The following STRN3 variants were observed in gnomAD, a reference collection of about 807,000 sequenced individuals.
STRN3 encodes the protein striatin 3, also known as striatin-3.
STRN3 carries 29 observed loss-of-function variants against 95.6 expected under a neutral mutation model. The observed-to-expected ratio is 0.30, with a 90% confidence interval of 0.23 to 0.41. The LOEUF (loss-of-function observed/expected upper bound fraction) is 0.41, where lower values mean the gene tolerates loss of function less well. STRN3 is among the 10% of genes least tolerant of loss of function. The pLI is 1.00. For missense variants in STRN3, 890 were observed against 972.1 expected (o/e 0.92, Z 1.12); for synonymous variants, 331 against 357.6 (o/e 0.93, Z 0.84).
At chr14:31,003,359 A>C (rs1566486713) in intron 1 of STRN3, among the ~76,000 whole-genome samples, 1 of 145,668 alleles carries the variant, frequency 6.9e-6, no homozygotes, top group Non-Finnish European at 1.5e-5. Context: ...GAAAAAAAAA[A>C]AACAAACAAC....
intron 1 of STRN3, among the ~76,000 whole-genome samples, chr14:30,993,941 A>G (rs1882084885): frequency 6.6e-6 from 1 of 151,008 alleles, no homozygotes; most frequent in Admixed American, 6.6e-5. Flanking sequence ...AATGGCACAC[A>G]ATCTCGGCTC....
chr14:30,925,058 C>T (rs919248268), intron 8 of STRN3, among the ~76,000 whole-genome samples: 8 of 152,118 alleles, frequency 5.3e-5, no homozygotes, highest in African/African-American at 1.7e-4. Context: ...ATAACTGCAT[C>T]AAGCCTCTTT....
At chr14:30,899,566 A>G (rs546234487) in intron 16 of STRN3, among the ~76,000 whole-genome samples, 1 of 152,010 alleles carries the variant, frequency 6.6e-6, no homozygotes, top group South Asian at 2.1e-4. Flanking sequence ...CCTTCCCCAA[A>G]CTTTGTCTTT....
At chr14:30,991,517 C>G (rs1292392014) in intron 1 of STRN3, among the ~76,000 whole-genome samples, 4 of 152,088 alleles carry the variant, frequency 2.6e-5, no homozygotes, top group African/African-American at 9.7e-5. Flanking sequence ...CACTTGCAGG[C>G]TCAAAAATGT....
intron 1 of STRN3, among the ~76,000 whole-genome samples, chr14:31,015,013 G>C (rs1883174654): frequency 6.6e-6 from 1 of 152,068 alleles, no homozygotes; most frequent in African/African-American, 2.4e-5. Flanking sequence ...TTTTTTTCTA[G>C]AGACAGGATT....
intron 1 of STRN3, among the ~76,000 whole-genome samples, chr14:30,989,401 T>C (rs1881842239): frequency 6.6e-6 from 1 of 152,114 alleles, no homozygotes; most frequent in African/African-American, 2.4e-5. Context: ...TCTCCAAAGG[T>C]AGTAGATTGG....
intron 1 of STRN3, among the ~76,000 whole-genome samples, chr14:30,985,871 A>T (rs1881665672): frequency 1.3e-5 from 2 of 152,112 alleles, no homozygotes; most frequent in African/African-American, 4.8e-5. Flanking sequence ...TCTGTCCAAA[A>T]ACTACCTGTT....
intron 1 of STRN3, among the ~76,000 whole-genome samples, chr14:31,023,983 A>C (rs886999157): frequency 2.6e-5 from 4 of 152,212 alleles, no homozygotes; most frequent in Non-Finnish European, 2.9e-5. Context: ...TACCAATAGA[A>C]TTGAAAGCAA....
chr14:31,000,256 C>CG (rs956289110), intron 1 of STRN3, among the ~76,000 whole-genome samples: 14 of 21,202 alleles, frequency 6.6e-4, no homozygotes, highest in Admixed American at 1.1e-3. Context: ...TTCTGGGGGG[C>CG]GGGGGGGAGT....
chr14:30,930,142 G>A (rs1173357993), intron 7 of STRN3, among the ~76,000 whole-genome samples: 1 of 151,808 alleles, frequency 6.6e-6, no homozygotes, highest in Non-Finnish European at 1.5e-5. Flanking sequence ...ACTTGTGACT[G>A]AGAAAAATTT....
chr14:30,935,392 C>T, intron 6 of STRN3, 88 bp from the exon 7 acceptor site: 1 of 1,405,314 alleles, frequency 7.1e-7, no homozygotes, highest in East Asian at 2.4e-5. Context: ...ATTTACACAC[C>T]CATTTTAAAA....
intron 16 of STRN3, among the ~76,000 whole-genome samples, chr14:30,897,123 T>C (rs1449097989): frequency 6.6e-6 from 1 of 152,226 alleles, no homozygotes; most frequent in African/African-American, 2.4e-5. Context: ...TTTTCCAAAA[T>C]TCTAGTTATA....
intron 10 of STRN3, 55 bp from the exon 11 acceptor site, chr14:30,912,237 T>C: frequency 1.3e-6 from 2 of 1,535,532 alleles, no homozygotes; most frequent in Non-Finnish European, 1.8e-6. Flanking sequence ...GGAAGGCATG[T>C]GGAGTGTTTG....
In STRN3 at chr14:30,977,794, GAAA is replaced by G. The variant is rs869303485; in HGVS notation, c.283-21555_283-21553del. Among the ~76,000 whole-genome samples the G allele has an allele frequency of 9.1e-5, 10 of 109,924 alleles. 1 individual carries two copies. Among genetic ancestry groups the G allele is most frequent in the Admixed American group, 2.1e-4 (2 of 9,664 alleles). 72.1% of individuals were successfully genotyped at this position (109,924 alleles called of 152,430 possible). On this transcript the variant is annotated intron_variant, in intron 1 of 17. Coordinates refer to ENST00000357479, the MANE Select transcript of STRN3 (RefSeq NM_001083893.2). ...GGCAAACAAAACAAGACTCTATCTC[GAAA>G]AAAAAAAAAAAAAAAAAAAACATGA...
At chr14:30,905,667 TG>T (rs1896443339) in intron 14 of STRN3, 109 bp from the exon 15 acceptor site, 1 of 1,137,444 alleles carries the variant, frequency 8.8e-7, no homozygotes, top group African/African-American at 1.6e-5. Flanking sequence ...CAAATAGTCT[TG>T]AAATACTGTT....
chr14:30,911,705 G>A lies in STRN3; in HGVS notation c.1598+72C>T, dbSNP rs142446346. On this transcript the variant is annotated intron_variant, in intron 12 of 17. Transcript: ENST00000357479. ...ATACAAAACATTGAGAAAATTACAA[G>A]GTTTGAGGACCGATAAATAATATTT... 8.9e-6 allele frequency: 12 copies of A among 1,346,916 alleles called. No homozygotes were observed. In the East Asian group the frequency reaches 2.6e-4, roughly 29 times the overall value. 83.4% of individuals were successfully genotyped at this position (1,346,916 alleles called of 1,614,324 possible).
intron 1 of STRN3, among the ~76,000 whole-genome samples, chr14:31,019,476 T>TA (rs1883399508): frequency 6.6e-6 from 1 of 152,018 alleles, no homozygotes; most frequent in African/African-American, 2.4e-5. Flanking sequence ...AAACTTTTCA[T>TA]AAAAAAATTA....
chr14:30,943,720 G>A (rs1879203562), intron 5 of STRN3, among the ~76,000 whole-genome samples: 1 of 152,180 alleles, frequency 6.6e-6, no homozygotes, highest in Non-Finnish European at 1.5e-5. Context: ...AGGAAATCCT[G>A]TCATAAATGA....
rs1218305146 is a variant in STRN3 at position 31,026,009 on chromosome 14, C to T, written c.177G>A (p.Arg59=). ...TCCCCGGGATAGTGTACTGCTGCGG[C>T]CGGGACAGCTCGGGGCCTGCCGCGG... ...AGPAAGPELS[R]PQQYTIPGIL... Residue 59 remains arginine (R), a synonymous_variant, in exon 1 of 18, where the codon CGG becomes CGA. Transcript: ENST00000357479. 6.4e-7 allele frequency: 1 copy of T among 1,551,580 alleles called. No homozygotes were observed. Among genetic ancestry groups the T allele is most frequent in the South Asian group, 1.2e-5 (1 of 84,374 alleles).
Sources: gnomAD v4.1 joint callset for allele counts (sites outside exome capture counted in the v4.1 genomes callset) on GRCh38, gnomAD v4.1.1 for gene constraint, MANE v1.5 for transcripts, NCBI Gene and HGNC (gene_info 2026-07-23, HGNC 2026-07-21) for gene names.